Variants in RYR2 observed in about 807,000 individuals in gnomAD.
RYR2 encodes ryanodine receptor 2, also known as cardiac muscle ryanodine receptor-calcium release channel.
A neutral mutation model predicts 601.1 loss-of-function variants in RYR2; 227 were observed. The observed-to-expected ratio is 0.38, with a 90% confidence interval of 0.34 to 0.42. The LOEUF (loss-of-function observed/expected upper bound fraction) is 0.42. RYR2 is among the 10% of genes least tolerant of loss of function. The probability of loss-of-function intolerance (pLI) is 1.00; values close to 1 mark genes in which losing one functional copy is unlikely to be tolerated. For synonymous variants in RYR2, 2,223 were observed against 2,175.1 expected (o/e 1.02, Z -0.61); for missense variants, 4,646 against 6,156.5 (o/e 0.75, Z 8.21).
intron 42 of RYR2, among the ~76,000 whole-genome samples, chr1:237,632,043 GT>G (rs889033735): frequency 5.3e-5 from 8 of 150,724 alleles, no homozygotes; most frequent in Admixed American, 3.3e-4. Context: ...CGTACTACTA[GT>G]TTTTTTTTCC....
At position 237,629,647 on chromosome 1, in the gene RYR2, AG is replaced by A. The variant is rs538485132; in HGVS notation, c.6440+1568del. Among the ~76,000 whole-genome samples the A allele has an allele frequency of 1.3e-3, 197 of 152,244 alleles. 2 individuals are homozygous for A. The South Asian group carries it at 0.014, about 11-fold the overall frequency. On this transcript the variant is annotated intron_variant, in intron 41 of 104. Transcript: ENST00000366574. Reference sequence around the variant, plus strand: ...CAAAAGAAACAATAAAATTGATCAAAGAAACTTAGAGTTAATTCTTTGAAAA... The same window carrying A: ...CAAAAGAAACAATAAAATTGATCAAAAAACTTAGAGTTAATTCTTTGAAAA...
intron 1 of RYR2, among the ~76,000 whole-genome samples, chr1:237,136,765 C>T (rs1672827176): frequency 6.6e-6 from 1 of 152,068 alleles, no homozygotes; most frequent in South Asian, 2.1e-4. Flanking sequence ...CCTGTAATCC[C>T]AGCACTTTGG....
chr1:237,508,071 C>A (rs1267776743), intron 23 of RYR2, among the ~76,000 whole-genome samples: 1 of 152,140 alleles, frequency 6.6e-6, no homozygotes. Context: ...TTAAGCGATT[C>A]TCCTGCTTCA....
intron 2 of RYR2, among the ~76,000 whole-genome samples, chr1:237,308,027 G>A (rs1457327563): frequency 1.3e-5 from 2 of 151,874 alleles, no homozygotes; most frequent in African/African-American, 2.4e-5. Context: ...TTGACTGAGG[G>A]CTAGGAAAAT....
At chr1:237,790,945 T>C (rs1349324928) in intron 92 of RYR2, among the ~76,000 whole-genome samples, 2 of 151,864 alleles carry the variant, frequency 1.3e-5, no homozygotes, top group African/African-American at 4.8e-5. Flanking sequence ...TTCTTCTCAC[T>C]GTGTTTCCTT....
At chr1:237,404,632 G>C (rs1285272538) in intron 10 of RYR2, among the ~76,000 whole-genome samples, 1 of 152,300 alleles carries the variant, frequency 6.6e-6, no homozygotes, top group Non-Finnish European at 1.5e-5. Flanking sequence ...TGATGGGACT[G>C]GGTATATGAC....
intron 10 of RYR2, among the ~76,000 whole-genome samples, chr1:237,398,122 G>T (rs1000632373): frequency 6.6e-6 from 1 of 152,086 alleles, no homozygotes; most frequent in African/African-American, 2.4e-5. Flanking sequence ...GACTCCAAAA[G>T]GAAGGGAGAT....
intron 2 of RYR2, among the ~76,000 whole-genome samples, chr1:237,304,837 A>G (rs1026861844): frequency 6.6e-6 from 1 of 152,232 alleles, no homozygotes; most frequent in Non-Finnish European, 1.5e-5. Context: ...TTAAGACCTG[A>G]AAATATCTAG....
At chr1:237,054,574 G>C (rs1371130902) in intron 1 of RYR2, among the ~76,000 whole-genome samples, 1 of 152,074 alleles carries the variant, frequency 6.6e-6, no homozygotes, top group Non-Finnish European at 1.5e-5. Context: ...GATACCGAGT[G>C]GGTTTATTCT....
intron 1 of RYR2, among the ~76,000 whole-genome samples, chr1:237,182,402 G>T (rs1352465222): frequency 2.0e-5 from 3 of 152,008 alleles, no homozygotes; most frequent in Admixed American, 2.0e-4. Flanking sequence ...TTACAGGCGT[G>T]AGCCACCGCA....
intron 1 of RYR2, among the ~76,000 whole-genome samples, chr1:237,112,286 T>C (rs1185328601): frequency 1.3e-5 from 2 of 152,120 alleles, no homozygotes; most frequent in African/African-American, 4.8e-5. Flanking sequence ...GCTAATTTTT[T>C]GTATTTTAGT....
chr1:237,305,384 C>T (rs1693770200), intron 2 of RYR2, among the ~76,000 whole-genome samples: 1 of 152,284 alleles, frequency 6.6e-6, no homozygotes, highest in East Asian at 1.9e-4. Context: ...AGAATATACA[C>T]TTTATAATAC....
chr1:237,304,090 T>C (rs1693639242), intron 2 of RYR2, among the ~76,000 whole-genome samples: 1 of 152,158 alleles, frequency 6.6e-6, no homozygotes, highest in South Asian at 2.1e-4. Context: ...AGCTTTGCAA[T>C]AGGATGATTT....
chr1:237,578,685 G>A lies in RYR2; in HGVS notation c.3598+9366G>A, dbSNP rs116401858. Among the ~76,000 whole-genome samples the A allele has an allele frequency of 3.9e-3, 297 of 76,284 alleles. 1 individual carries two copies. Among genetic ancestry groups the A allele is most frequent in the East Asian group, 0.017 (15 of 880 alleles). The allele number at this position is 76,284 out of a possible 152,430, so 50.0% of individuals were successfully genotyped here. On this transcript the variant is annotated intron_variant, in intron 29 of 104. Transcript: ENST00000366574. ...GGGGGTAATTTTGGAGATTTGTTAA[G>A]GTCTCTCACCCATTCTGCAGTTTTG...
intron 29 of RYR2, among the ~76,000 whole-genome samples, chr1:237,580,172 T>TTTTTTTTG (rs1673742907): frequency 1.3e-5 from 2 of 149,180 alleles, no homozygotes. Flanking sequence ...TTTTTTTTTT[T>TTTTTTTTG]GAGACGGAGT....
intron 84 of RYR2, among the ~76,000 whole-genome samples, chr1:237,767,578 A>C (rs1270066251): frequency 6.6e-6 from 1 of 152,186 alleles, no homozygotes; most frequent in Non-Finnish European, 1.5e-5. Context: ...ACAGGATTAT[A>C]ATAAACCTGA....
intron 1 of RYR2, among the ~76,000 whole-genome samples, chr1:237,148,966 C>G (rs1466119944): frequency 1.3e-5 from 2 of 152,086 alleles, no homozygotes. Flanking sequence ...TCTTCAGGTT[C>G]ATACATTTTT....
At chr1:237,212,730 T>G (rs1450588625) in intron 1 of RYR2, among the ~76,000 whole-genome samples, 1 of 152,178 alleles carries the variant, frequency 6.6e-6, no homozygotes, top group Non-Finnish European at 1.5e-5. Flanking sequence ...TTCCAACACA[T>G]GGAAAATAAT....
Position 237,707,938 on chromosome 1 carries a change from ATTT to A in RYR2, c.9901+690_9901+692del, listed in dbSNP as rs57642607. On this transcript the variant is annotated intron_variant, in intron 68 of 104. Transcript: ENST00000366574. ...AGGCATCTGCCACCATGCCCAGCTA[ATTT>A]TTTTTTTTTTTTTTTTTTTTAGTAG... Among the ~76,000 whole-genome samples the A allele has an allele frequency of 3.1e-3, 375 of 120,158 alleles. 5 individuals are homozygous for A. The highest frequency in any genetic ancestry group is 0.023 in the Middle Eastern group (5 of 222). 78.8% of individuals were successfully genotyped at this position (120,158 alleles called of 152,430 possible). A position where few individuals can be genotyped will look rare whatever the true frequency, so the allele number is the denominator to read the frequency against.
Sources: gnomAD v4.1 joint callset for allele counts (sites outside exome capture counted in the v4.1 genomes callset) on GRCh38, gnomAD v4.1.1 for gene constraint, MANE v1.5 for transcripts, NCBI Gene and HGNC (gene_info 2026-07-23, HGNC 2026-07-21) for gene names.